LINGO2: variants seen among roughly 807,000 people sequenced by gnomAD.
LINGO2 encodes leucine rich repeat and Ig domain containing 2, also known as leucine-rich repeat and immunoglobulin-like domain-containing nogo receptor-interacting protein 2.
A neutral mutation model predicts 30.6 loss-of-function variants in LINGO2; 14 were observed. The ratio of observed to expected loss-of-function variants is 0.46; its 90% CI spans 0.30 to 0.72. The LOEUF (loss-of-function observed/expected upper bound fraction) is 0.72, where lower values mean the gene tolerates loss of function less well. Among genes scored for constraint, LINGO2 ranks in the 30% least tolerant of loss-of-function variants. LINGO2 has a pLI of 0.07. For synonymous variants in LINGO2, 317 were observed against 288.5 expected, an observed-to-expected ratio of 1.10 and a Z score of -1.00; for missense variants, 729 against 751.7, an observed-to-expected ratio of 0.97 and a Z score of 0.35.
At position 28,329,036 on chromosome 9, in the gene LINGO2, T is replaced by A. The variant is rs935745032; in HGVS notation, c.-245-33670A>T. ...TTCTCAGGTTCTCACCCCATCCGTA[T>A]ACGAGCTAGGCCTTATCCCTTACAA... On this transcript the variant is annotated intron_variant, in intron 3 of 5. Coordinates refer to ENST00000379992, the Ensembl canonical transcript of LINGO2. This position sits in a 1 kb window ranked among gnomAD's most constrained non-coding sequence, Gnocchi z 4.5. Among the ~76,000 whole-genome samples, 2 of 152,152 alleles carry A rather than the reference T, an allele frequency of 1.3e-5. No homozygotes were observed. The highest frequency in any genetic ancestry group is 2.4e-5 in the African/African-American group (1 of 41,448).
intron 2 of LINGO2, among the ~76,000 whole-genome samples, chr9:28,457,936 G>C (rs896363742): frequency 1.3e-5 from 2 of 152,110 alleles, no homozygotes; most frequent in Non-Finnish European, 2.9e-5. Context: ...TCACTGAAAA[G>C]AATTAGCAAT....
Position 28,148,738 on chromosome 9 carries a change from C to A in LINGO2, c.-86-136333G>T. On this transcript the variant is annotated intron_variant, in intron 4 of 5. Transcript: ENST00000379992. This position sits in a 1 kb window ranked among gnomAD's most constrained non-coding sequence, Gnocchi z 5.1. The stretch of plus-strand genomic sequence containing the variant: ...ACAGCCCTGCTGGAGGCATCCTTCC[C>A]TTTGGGAAGCCTGACCCACTTCCAA... The A allele has an allele frequency of 6.5e-7, 1 of 1,534,018 alleles. No individual in the cohort carries two copies. Among genetic ancestry groups the A allele is most frequent in the South Asian group, 1.2e-5 (1 of 83,958 alleles).
the LINGO2 span, among the ~76,000 whole-genome samples, chr9:29,055,011 G>A: frequency 6.6e-6 from 1 of 152,240 alleles, no homozygotes; most frequent in Admixed American, 6.5e-5. Context: ...CTGAGGTCAG[G>A]AGTTTGAGAC....
At chr9:28,346,318 G>C (rs953666800) in intron 3 of LINGO2, among the ~76,000 whole-genome samples, 2 of 152,104 alleles carry the variant, frequency 1.3e-5, no homozygotes, top group South Asian at 2.1e-4. Flanking sequence ...TCCCGCATTG[G>C]TTTGCTAAGG....
intron 1 of LINGO2, among the ~76,000 whole-genome samples, chr9:28,601,894 A>G (rs1825493995): frequency 6.6e-6 from 1 of 152,144 alleles, no homozygotes; most frequent in Non-Finnish European, 1.5e-5. Context: ...AGGCAGATTG[A>G]GAGTACCAAA....
intron 1 of LINGO2, among the ~76,000 whole-genome samples, chr9:28,557,426 G>A (rs1822778269): frequency 6.6e-6 from 1 of 151,892 alleles, no homozygotes; most frequent in Non-Finnish European, 1.5e-5. Context: ...TCAGAGAAAT[G>A]CAAATCAAAA....
chr9:28,848,332 CATAT>C, the LINGO2 span, among the ~76,000 whole-genome samples: 3 of 76,828 alleles, frequency 3.9e-5, no homozygotes, highest in African/African-American at 6.7e-5. Context: ...TATATATATA[CATAT>C]ATAGTGTATA....
At chr9:28,865,760 G>C in the LINGO2 span, among the ~76,000 whole-genome samples, 2 of 152,074 alleles carry the variant, frequency 1.3e-5, no homozygotes, top group East Asian at 3.8e-4. Flanking sequence ...CTCCAGCCTG[G>C]GTGACAGGGA....
At chr9:28,516,848 T>A (rs1820637559) in intron 1 of LINGO2, among the ~76,000 whole-genome samples, 1 of 152,192 alleles carries the variant, frequency 6.6e-6, no homozygotes, top group African/African-American at 2.4e-5. Context: ...TGTGCCAGAC[T>A]CTATGAGATA....
At chr9:28,515,879 A>G (rs904425339) in intron 1 of LINGO2, among the ~76,000 whole-genome samples, 3 of 152,202 alleles carry the variant, frequency 2.0e-5, no homozygotes, top group Non-Finnish European at 2.9e-5. Flanking sequence ...AAATCTTGTG[A>G]AAGGAAGAGT....
At chr9:28,838,653 C>G in the LINGO2 span, among the ~76,000 whole-genome samples, 22,105 of 152,116 alleles carry the variant, frequency 0.15, 1,793 homozygotes, top group East Asian at 0.33. Flanking sequence ...ATATATTCTC[C>G]TATATATTAC....
At chr9:28,158,269 G>A (rs1478039418) in intron 4 of LINGO2, among the ~76,000 whole-genome samples, 2 of 152,038 alleles carry the variant, frequency 1.3e-5, no homozygotes, top group African/African-American at 2.4e-5. Context: ...TCGCTGTCAC[G>A]AGAACAGCAC....
chr9:28,512,593 GTA>G (rs770866133), intron 1 of LINGO2, among the ~76,000 whole-genome samples: 1 of 10,592 alleles, frequency 9.4e-5, no homozygotes, highest in African/African-American at 2.4e-4. Context: ...ATATATGTGT[GTA>G]TATATATATA....
chr9:29,076,043 T>A, the LINGO2 span, among the ~76,000 whole-genome samples: 4 of 149,790 alleles, frequency 2.7e-5, no homozygotes, highest in South Asian at 2.1e-4. Context: ...TTTTTTTTTT[T>A]AATTTTCGTT....
intron 3 of LINGO2, among the ~76,000 whole-genome samples, chr9:28,345,211 C>T (rs1819521129): frequency 6.6e-6 from 1 of 152,060 alleles, no homozygotes; most frequent in Non-Finnish European, 1.5e-5. Flanking sequence ...CACCTCCAGC[C>T]AGTAATTAAT....
the LINGO2 span, among the ~76,000 whole-genome samples, chr9:29,043,672 A>G: frequency 6.6e-6 from 1 of 152,060 alleles, no homozygotes; most frequent in Non-Finnish European, 1.5e-5. Flanking sequence ...TAAGTAAACT[A>G]CATGGTAGTT....
chr9:28,160,109 GA>G (rs1008507649), intron 4 of LINGO2, among the ~76,000 whole-genome samples: 36 of 151,168 alleles, frequency 2.4e-4, no homozygotes, highest in South Asian at 6.3e-4. Flanking sequence ...TAGCAACTAT[GA>G]AAAAAAAATC....
At chr9:29,200,348 G>T in the LINGO2 span, among the ~76,000 whole-genome samples, 270 of 152,092 alleles carry the variant, frequency 1.8e-3, no homozygotes, top group Admixed American at 3.8e-3. Flanking sequence ...CACATTAATA[G>T]AACTCCCAGA....
intron 4 of LINGO2, among the ~76,000 whole-genome samples, chr9:28,171,997 A>C (rs1249613776): frequency 8.2e-6 from 1 of 121,956 alleles, no homozygotes; most frequent in Non-Finnish European, 1.7e-5. Context: ...CAGCCTGGTG[A>C]CAGAGCAAGA....
Sources: gnomAD v4.1 joint callset for allele counts (sites outside exome capture counted in the v4.1 genomes callset) on GRCh38, gnomAD v4.1.1 for gene constraint, Gnocchi (gnomAD v3.1) non-coding constraint, MANE v1.5 for transcripts, NCBI Gene and HGNC (gene_info 2026-07-23, HGNC 2026-07-21) for gene names.